Variants in LPAR5 observed in about 807,000 individuals in gnomAD.
LPAR5 encodes G protein-coupled receptor 92.
For missense variants in LPAR5, 544 were observed against 521.8 expected (o/e 1.04, Z -0.41); for synonymous variants, 271 against 261.6 (o/e 1.04, Z -0.35).
intron 1 of LPAR5, among the ~76,000 whole-genome samples, chr12:6,632,353 A>C (rs1948985237): frequency 6.6e-6 from 1 of 151,960 alleles, no homozygotes; most frequent in Non-Finnish European, 1.5e-5. Flanking sequence ...AGGTTCTTAC[A>C]TCTCCCCATC....
chr12:6,623,218 A>G (rs1473029451), intron 1 of LPAR5, among the ~76,000 whole-genome samples: 2 of 151,890 alleles, frequency 1.3e-5, no homozygotes, highest in Admixed American at 1.3e-4. Flanking sequence ...AGCCTGGGTA[A>G]CAAAACGAGA....
intron 1 of LPAR5, among the ~76,000 whole-genome samples, chr12:6,627,030 CCAT>C (rs1948946064): frequency 6.6e-6 from 1 of 152,136 alleles, no homozygotes; most frequent in Non-Finnish European, 1.5e-5. Context: ...CTGATCATCA[CCAT>C]ATTTTAATTT....
At position 6,619,863 on chromosome 12, in the gene LPAR5, G is replaced by A. The variant is rs902434099; in HGVS notation, c.*267C>T. 7.6e-6 allele frequency: 5 copies of A among 655,542 alleles called. No homozygotes were observed. Among genetic ancestry groups the A allele is most frequent in the African/African-American group, 1.8e-5 (1 of 56,252 alleles). The allele number at this position is 655,542 out of a possible 1,614,324, so 40.6% of individuals were successfully genotyped here. On this transcript the variant is annotated 3_prime_UTR_variant, in exon 2 of 2. Coordinates refer to ENST00000329858, the MANE Select transcript of LPAR5 (RefSeq NM_020400.6). ...ACCCAAAGGCATTTCGTCCTCTTCT[G>A]CCCTCTGCACGGGTGGGCTCTCTGC...
intron 1 of LPAR5, among the ~76,000 whole-genome samples, chr12:6,628,123 G>A (rs1202019212): frequency 1.3e-5 from 2 of 150,734 alleles, no homozygotes; most frequent in African/African-American, 2.4e-5. Context: ...CCGGGTTCAC[G>A]CCATTCTCCT....
At position 6,620,383 on chromosome 12, in the gene LPAR5, T is replaced by C; in HGVS notation, c.866A>G (p.Asn289Ser). The C allele has an allele frequency of 6.2e-7, 1 of 1,611,692 alleles. No homozygotes were observed. Among genetic ancestry groups the C allele is most frequent in the South Asian group, 1.1e-5 (1 of 90,970 alleles). The part of the protein sequence containing the change: ...LMVMVLLAGA[N>S]CVLDPLVYYF... Reference sequence around the variant, plus strand: ...GTACACCAGCGGGTCCAGCACGCAGTTGGCGCCGGCCAGCAGCACCATCAC... The same window carrying C: ...GTACACCAGCGGGTCCAGCACGCAGCTGGCGCCGGCCAGCAGCACCATCAC... The change falls in exon 2 of 2, where the codon AAC (asparagine) becomes AGC (serine). Residue 289 changes from asparagine (N) to serine (S), a missense_variant. By Grantham distance (46) the Asn-to-Ser change is conservative. Coordinates refer to ENST00000329858, the MANE Select transcript of LPAR5 (RefSeq NM_020400.6). This position sits in a 1 kb window ranked among gnomAD's most constrained non-coding sequence, Gnocchi z 6.8.
At position 6,620,951 on chromosome 12, in the gene LPAR5, T is replaced by A. The variant is rs763442067; in HGVS notation, c.298A>T (p.Ile100Phe). ...CTGCCGTACATGTTCATCTGGAAGA[T>A]GGCGCCCGTCGTCTGGCACAGGAGG... ...PDLLCQTTGA[I>F]FQMNMYGSCI... Residue 100 changes from isoleucine to phenylalanine, a missense_variant, in exon 2 of 2, where the codon ATC becomes TTC. Transcript: ENST00000329858. The surrounding 1 kb of genome is among the most constrained non-coding windows in gnomAD (Gnocchi z 6.8). The A allele has an allele frequency of 6.2e-7, 1 of 1,612,162 alleles. No individual in the cohort carries two copies. Among genetic ancestry groups the A allele is most frequent in the East Asian group, 2.2e-5 (1 of 44,774 alleles).
intron 1 of LPAR5, among the ~76,000 whole-genome samples, chr12:6,625,496 C>T (rs1248030132): frequency 6.0e-5 from 9 of 149,086 alleles, no homozygotes; most frequent in South Asian, 2.1e-4. Context: ...CCAAGGCGGG[C>T]GGATCACAAG....
Position 6,621,139 on chromosome 12 carries a change from A to G in LPAR5, c.110T>C (p.Leu37Pro). 1 of 1,597,594 alleles carries G rather than the reference A, an allele frequency of 6.3e-7. No individual in the cohort carries two copies. The highest frequency in any genetic ancestry group is 1.1e-5 in the South Asian group (1 of 88,520). Residue 37 changes from leucine to proline, a missense_variant, in exon 2 of 2, where the codon CTC (leucine) becomes CCC (proline). Coordinates refer to ENST00000329858, the MANE Select transcript of LPAR5 (RefSeq NM_020400.6). ...CCAGAGGGCTAGCGCGTTGAGGGGG[A>G]GCCCGGCAGCCAGCACCAAGCTGTA... ...VVYSLVLAAG[L>P]PLNALALWVF...
intron 1 of LPAR5, among the ~76,000 whole-genome samples, chr12:6,626,320 G>T (rs546163952): frequency 6.6e-6 from 1 of 152,196 alleles, no homozygotes; most frequent in East Asian, 1.9e-4. Context: ...TGACTGTGTT[G>T]CCCAGGCTGG....
intron 1 of LPAR5, among the ~76,000 whole-genome samples, 152 bp downstream of exon 1, chr12:6,635,755 A>G (rs992577144): frequency 1.3e-5 from 2 of 152,154 alleles, no homozygotes; most frequent in Non-Finnish European, 2.9e-5. Flanking sequence ...TGTCTATTTG[A>G]GGCAGCTCCT....
chr12:6,623,664 A>C (rs1948912393), intron 1 of LPAR5, among the ~76,000 whole-genome samples: 1 of 152,206 alleles, frequency 6.6e-6, no homozygotes, highest in Non-Finnish European at 1.5e-5. Flanking sequence ...GAGCTCATAG[A>C]AAGTTCCAGG....
intron 1 of LPAR5, among the ~76,000 whole-genome samples, chr12:6,630,727 T>C (rs967244423): frequency 2.6e-5 from 4 of 151,654 alleles, no homozygotes; most frequent in African/African-American, 9.7e-5. Context: ...GCTGAGATTA[T>C]AGGCATGAGC....
rs565788714 is a variant in LPAR5, at chr12:6,629,731, A to G, written c.-217+6176T>C. ...AAGATTATTAGTTGAGCGGCTACTT[A>G]AAGGTAAAGTTAGGCGAAGTGATGG... On this transcript the variant is annotated intron_variant, in intron 1 of 1. Transcript: ENST00000329858. Among the ~76,000 whole-genome samples, 10 of 151,864 alleles carry G rather than the reference A, an allele frequency of 6.6e-5. No homozygotes were observed. The South Asian group carries it at 2.1e-3, about 32-fold the overall frequency.
rs1382831909 is a variant in LPAR5, at chr12:6,628,065, G to A, written c.-216-6601C>T. Among the ~76,000 whole-genome samples the A allele has an allele frequency of 1.2e-4, 16 of 133,156 alleles. No individual in the cohort carries two copies. The East Asian group carries it at 2.0e-3, about 17-fold the overall frequency. 87.4% of individuals were successfully genotyped at this position (133,156 alleles called of 152,430 possible). A position where few individuals can be genotyped will look rare whatever the true frequency, so the allele number is the denominator to read the frequency against. ...GAGACAGAGTCTTGCTCTGTCGTCC[G>A]GGCTGGAGTGCAGTGGCTCAATCTG... is the stretch of plus-strand genomic sequence containing the variant. On this transcript the variant is annotated intron_variant, in intron 1 of 1. Transcript: ENST00000329858.
In LPAR5 at chr12:6,621,378, G is replaced by A. The variant is rs552596152; in HGVS notation, c.-130C>T. ...ATGGTCCCAAAACAAGCAGAGGGAGGTCATGGGAATGTGGGCTATGGCTGC... is the reference window on the plus strand; with the variant it reads ...ATGGTCCCAAAACAAGCAGAGGGAGATCATGGGAATGTGGGCTATGGCTGC... On this transcript the variant is annotated 5_prime_UTR_variant, in exon 2 of 2. Coordinates refer to ENST00000329858, the MANE Select transcript of LPAR5 (RefSeq NM_020400.6). 74 of 939,370 alleles carry A rather than the reference G, an allele frequency of 7.9e-5. No homozygotes were observed. In the African/African-American group the frequency reaches 1.2e-3, roughly 15 times the overall value. 58.2% of individuals were successfully genotyped at this position (939,370 alleles called of 1,614,324 possible). A position where few individuals can be genotyped will look rare whatever the true frequency, so the allele number is the denominator to read the frequency against.
intron 1 of LPAR5, among the ~76,000 whole-genome samples, chr12:6,632,210 A>C (rs1948984528): frequency 6.6e-6 from 1 of 152,012 alleles, no homozygotes; most frequent in Non-Finnish European, 1.5e-5. Context: ...TGACCTTGTG[A>C]TCTGCCTGCC....
At chr12:6,624,761 C>T (rs1948922075) in intron 1 of LPAR5, among the ~76,000 whole-genome samples, 1 of 152,168 alleles carries the variant, frequency 6.6e-6, no homozygotes, top group Non-Finnish European at 1.5e-5. Context: ...GCTGGGATTA[C>T]AGGCATGCGC....
chr12:6,633,774 TG>T (rs1311065316), intron 1 of LPAR5, among the ~76,000 whole-genome samples: 1 of 152,132 alleles, frequency 6.6e-6, no homozygotes, highest in East Asian at 1.9e-4. Flanking sequence ...AGGTATGTCC[TG>T]GGGTATGCAC....
Position 6,620,836 on chromosome 12 carries a change from G to C in LPAR5, c.413C>G (p.Ala138Gly). The C allele has an allele frequency of 1.3e-6, 2 of 1,559,672 alleles. No individual in the cohort carries two copies. The highest frequency in any genetic ancestry group is 1.7e-6 in the Non-Finnish European group (2 of 1,151,784). ...CCACACGCCCAGGCAGAGCAGCCGC[G>C]CCACGCGGGGCCGCCGCAGGTGGCG... ...RLRHLRRPRV[A>G]RLLCLGVWAL... Residue 138 changes from alanine to glycine, a missense_variant, in exon 2 of 2, where the codon GCG becomes GGG. Coordinates refer to ENST00000329858, the MANE Select transcript of LPAR5 (RefSeq NM_020400.6). This position sits in a 1 kb window ranked among gnomAD's most constrained non-coding sequence, Gnocchi z 6.8.
Sources: gnomAD v4.1 joint callset for allele counts (sites outside exome capture counted in the v4.1 genomes callset) on GRCh38, gnomAD v4.1.1 for gene constraint, Gnocchi (gnomAD v3.1) non-coding constraint, MANE v1.5 for transcripts, NCBI Gene and HGNC (gene_info 2026-07-23, HGNC 2026-07-21) for gene names.